The following GLG1 variants were observed in gnomAD, a reference collection of about 807,000 sequenced individuals.
The protein encoded by GLG1 is golgi glycoprotein 1.
Under a neutral mutation model 160.5 loss-of-function variants are expected in GLG1, and 38 were observed. The observed-to-expected ratio is 0.24, with a 90% CI of 0.18 to 0.31. GLG1 has a LOEUF of 0.31. Ranked by LOEUF, GLG1 falls within the 10% of genes least tolerant of loss-of-function variation. The pLI, the probability that GLG1 is intolerant of heterozygous loss-of-function variation, is 1.00. For synonymous variants in GLG1, 644 were observed against 543.4 expected (o/e 1.19, Z -2.57); for missense variants, 1,373 against 1,505.2 (o/e 0.91, Z 1.45).
At chr16:74,518,692 C>T (rs1448142679) in intron 2 of GLG1, among the ~76,000 whole-genome samples, 1 of 152,130 alleles carries the variant, frequency 6.6e-6, no homozygotes, top group Non-Finnish European at 1.5e-5. Context: ...CCAAAATTGA[C>T]ATATGGGATC....
chr16:74,508,560 T>A (rs187171041), intron 3 of GLG1, among the ~76,000 whole-genome samples: 1 of 152,194 alleles, frequency 6.6e-6, no homozygotes, highest in Non-Finnish European at 1.5e-5. Context: ...TGTTGTCCAA[T>A]GTGTGAGAGT....
intron 4 of GLG1, among the ~76,000 whole-genome samples, chr16:74,501,008 G>C (rs2016384695): frequency 6.6e-6 from 1 of 152,164 alleles, no homozygotes; most frequent in African/African-American, 2.4e-5. Context: ...CGGTCCTCTG[G>C]AGGAGGCCAA....
chr16:74,524,325 C>A (rs999606132), intron 2 of GLG1, among the ~76,000 whole-genome samples: 1 of 152,126 alleles, frequency 6.6e-6, no homozygotes, highest in African/African-American at 2.4e-5. Flanking sequence ...TAATAAGTAA[C>A]TATGTCTTGT....
rs2014309761 is a variant in GLG1 at position 74,451,650 on chromosome 16, TTAA to T, written c.*1514_*1516del. On this transcript the variant is annotated 3_prime_UTR_variant, in exon 26 of 26. Transcript: ENST00000422840. ...TAATACTTTGTGGACATCTAACAGG[TTAA>T]TAAAATATATATTACATAAATGTCT... is the stretch of plus-strand genomic sequence containing the variant. 1 of 189,890 alleles carries T rather than the reference TTAA, an allele frequency of 5.3e-6. No individual in the cohort carries two copies. The highest frequency in any genetic ancestry group is 2.3e-5 in the African/African-American group (1 of 42,910). 11.8% of individuals were successfully genotyped at this position (189,890 alleles called of 1,614,324 possible). A position where few individuals can be genotyped will look rare whatever the true frequency, so the allele number is the denominator to read the frequency against.
chr16:74,471,233 C>G lies in GLG1; in HGVS notation c.2169G>C (p.Gln723His), dbSNP rs1216839670. 2 of 1,612,702 alleles carry G rather than the reference C, an allele frequency of 1.2e-6. No homozygotes were observed. Among genetic ancestry groups the G allele is most frequent in the African/African-American group, 1.3e-5 (1 of 74,884 alleles). ...CGTTCATGTCCTTCTGGTGTTTGTTCTGTATCAGACACTCCATCAGGTCCC... is the reference window on the plus strand; with the variant it reads ...CGTTCATGTCCTTCTGGTGTTTGTTGTGTATCAGACACTCCATCAGGTCCC... ...DSGDLMECLI[Q>H]NKHQKDMNEK... The change falls in exon 15 of 26, where the codon CAG becomes CAC. Residue 723 changes from glutamine (Q) to histidine (H), a missense_variant. By Grantham distance (24) the Gln-to-His change is conservative (BLOSUM62 0). This residue lies in a region of GLG1 where 491 missense variants were observed against 632.1 expected (regional missense o/e 0.78). Coordinates refer to ENST00000422840, the MANE Select transcript of GLG1 (RefSeq NM_001145667.2).
chr16:74,498,868 C>A (rs1230457288), intron 4 of GLG1, among the ~76,000 whole-genome samples: 486 of 75,792 alleles, frequency 6.4e-3, no homozygotes, highest in Middle Eastern at 0.012. Flanking sequence ...CCGTCTCAGG[C>A]AAAAAAAAAA....
intron 2 of GLG1, among the ~76,000 whole-genome samples, chr16:74,530,112 G>C (rs1249211387): frequency 1.3e-5 from 2 of 152,052 alleles, no homozygotes; most frequent in Non-Finnish European, 2.9e-5. Flanking sequence ...CTGGCTCTTT[G>C]AGAGTTCCAA....
chr16:74,503,290 G>A (rs1197085462), intron 4 of GLG1, among the ~76,000 whole-genome samples: 5 of 152,046 alleles, frequency 3.3e-5, no homozygotes, highest in Non-Finnish European at 7.4e-5. Flanking sequence ...ATATTGTGAA[G>A]ATAACACCAC....
intron 1 of GLG1, among the ~76,000 whole-genome samples, chr16:74,533,421 C>T (rs914135599): frequency 2.0e-5 from 3 of 152,212 alleles, no homozygotes; most frequent in African/African-American, 7.2e-5. Flanking sequence ...CAATACATAA[C>T]TCCTTTAGTT....
At chr16:74,518,787 C>T (rs976303999) in intron 2 of GLG1, among the ~76,000 whole-genome samples, 7 of 152,138 alleles carry the variant, frequency 4.6e-5, no homozygotes, top group African/African-American at 1.7e-4. Flanking sequence ...AACATTTTTG[C>T]AATCTATCCA....
At chr16:74,591,511 C>T (rs1026622695) in intron 1 of GLG1, among the ~76,000 whole-genome samples, 4 of 151,744 alleles carry the variant, frequency 2.6e-5, no homozygotes, top group South Asian at 4.2e-4. Flanking sequence ...GCCCGTAGTC[C>T]CAGCTACGTG....
intron 1 of GLG1, among the ~76,000 whole-genome samples, chr16:74,581,606 T>C (rs552473900): frequency 6.7e-6 from 1 of 149,722 alleles, no homozygotes; most frequent in East Asian, 2.0e-4. Context: ...GCTGAGACTA[T>C]CTAAAAGGGA....
chr16:74,507,683 C>G (rs2016661107), intron 3 of GLG1, among the ~76,000 whole-genome samples: 1 of 152,014 alleles, frequency 6.6e-6, no homozygotes, highest in African/African-American at 2.4e-5. Flanking sequence ...TTGCAGAGAG[C>G]CAAGGTGGCA....
intron 1 of GLG1, among the ~76,000 whole-genome samples, chr16:74,550,991 C>A (rs560131385): frequency 6.6e-6 from 1 of 152,126 alleles, no homozygotes; most frequent in African/African-American, 2.4e-5. Flanking sequence ...TAGAGCAACC[C>A]TGGAAATATT....
intron 2 of GLG1, among the ~76,000 whole-genome samples, chr16:74,514,814 C>A (rs1359910878): frequency 1.3e-5 from 2 of 152,076 alleles, no homozygotes; most frequent in Non-Finnish European, 2.9e-5. Context: ...TGTAAATGGG[C>A]TAAATGCCCC....
chr16:74,495,295 G>C (rs753001170), intron 5 of GLG1, among the ~76,000 whole-genome samples: 2 of 151,982 alleles, frequency 1.3e-5, no homozygotes, highest in African/African-American at 2.4e-5. Context: ...TTTATTTTTA[G>C]TAGAGATGGG....
At chr16:74,456,817 A>G (rs1159959181) in intron 24 of GLG1, 62 bp from the exon 25 acceptor site, 1 of 1,006,450 alleles carries the variant, frequency 9.9e-7, no homozygotes, top group East Asian at 2.4e-5. Flanking sequence ...AAATTTCTGT[A>G]AAGATGAGGA....
At position 74,539,993 on chromosome 16, in the gene GLG1, T is replaced by C. The variant is rs1332576519; in HGVS notation, c.439-7840A>G. 2.8e-3 allele frequency among the ~76,000 whole-genome samples: 4 copies of C among 1,426 alleles called. 2 individuals carry two copies. Among genetic ancestry groups the C allele is most frequent in the African/African-American group, 3.0e-3 (4 of 1,344 alleles). The allele number at this position is 1,426 out of a possible 152,430, so 0.9% of individuals were successfully genotyped here. ...AAATAAACAAATACAAATATATATA[T>C]ATTTTATATATATATATTTTATATA... is the stretch of plus-strand genomic sequence containing the variant. On this transcript the variant is annotated intron_variant, in intron 1 of 25. Coordinates refer to ENST00000422840, the MANE Select transcript of GLG1 (RefSeq NM_001145667.2).
At chr16:74,580,934 T>C (rs1244213792) in intron 1 of GLG1, among the ~76,000 whole-genome samples, 1 of 152,114 alleles carries the variant, frequency 6.6e-6, no homozygotes, top group South Asian at 2.1e-4. Context: ...TAGTGCACCG[T>C]TGCACTCCAG....
Sources: gnomAD v4.1 joint callset for allele counts (sites outside exome capture counted in the v4.1 genomes callset) on GRCh38, gnomAD v4.1.1 for gene constraint, gnomAD v4.1.1 regional missense constraint, MANE v1.5 for transcripts, NCBI Gene and HGNC (gene_info 2026-07-23, HGNC 2026-07-21) for gene names.